The following TENM3 variants were observed in gnomAD, a reference collection of about 807,000 sequenced individuals.
The protein encoded by TENM3 is teneurin-3.
A neutral mutation model predicts 255.1 loss-of-function variants in TENM3; 63 were observed. The observed-to-expected ratio is 0.25, with a 90% CI of 0.20 to 0.30. The LOEUF is 0.30. TENM3 is among the 10% of genes least tolerant of loss of function. TENM3 has a pLI of 1.00. For missense variants in TENM3, 2,929 were observed against 3,461.1 expected, an observed-to-expected ratio of 0.85 and a Z score of 3.86; for synonymous variants, 1,306 against 1,322.3, an observed-to-expected ratio of 0.99 and a Z score of 0.27.
intron 1 of TENM3, among the ~76,000 whole-genome samples, chr4:182,160,080 G>A: frequency 6.7e-6 from 1 of 149,854 alleles, no homozygotes; most frequent in Non-Finnish European, 1.5e-5. Flanking sequence ...TCGGCTCACT[G>A]CAAGCTCCGC....
chr4:182,173,001 G>A (rs771239074), intron 1 of TENM3, among the ~76,000 whole-genome samples: 22 of 152,234 alleles, frequency 1.4e-4, no homozygotes, highest in Admixed American at 5.2e-4. Context: ...ATATGGCTAC[G>A]TGAATGGACA....
At chr4:182,092,027 T>G in the TENM3 span, among the ~76,000 whole-genome samples, 10 of 152,244 alleles carry the variant, frequency 6.6e-5, no homozygotes, top group East Asian at 1.9e-3. Flanking sequence ...ACTGCATTTT[T>G]GAGGATGCAC....
chr4:181,863,314 C>G, the TENM3 span, among the ~76,000 whole-genome samples: 1 of 152,114 alleles, frequency 6.6e-6, no homozygotes, highest in Non-Finnish European at 1.5e-5. Flanking sequence ...CACAATGACT[C>G]TGCTACTCTC....
intron 1 of TENM3, among the ~76,000 whole-genome samples, chr4:182,212,563 T>C (rs1395475549): frequency 2.0e-5 from 3 of 152,192 alleles, no homozygotes; most frequent in African/African-American, 7.2e-5. Flanking sequence ...TTACATGTTG[T>C]TCACCCACTT....
intron 6 of TENM3, among the ~76,000 whole-genome samples, chr4:182,660,574 G>C (rs1379939054): frequency 2.0e-5 from 3 of 152,206 alleles, no homozygotes; most frequent in South Asian, 2.1e-4. Context: ...TGATGCACTT[G>C]TAATTCATAG....
At position 182,799,985 on chromosome 4, in the gene TENM3, G is replaced by A. The variant is rs769349124; in HGVS notation, c.7734G>A (p.Thr2578=). The change falls in exon 28 of 28, where the codon ACG becomes ACA. Residue 2578 remains threonine (T), a synonymous_variant. Coordinates refer to ENST00000511685, the MANE Select transcript of TENM3 (RefSeq NM_001080477.4). This position sits in a 1 kb window ranked among gnomAD's most constrained non-coding sequence, Gnocchi z 4.2. ...CGCTGGAGAACGGCATCAACGTGAC[G>A]GTGTCGCAGTCCACCACGGTGGTGA... ...RKALENGINV[T]VSQSTTVVNG... The A allele has an allele frequency of 1.9e-6, 3 of 1,591,644 alleles. No individual in the cohort carries two copies. Among genetic ancestry groups the A allele is most frequent in the Admixed American group, 1.8e-5 (1 of 56,736 alleles).
chr4:182,039,930 T>G, the TENM3 span, among the ~76,000 whole-genome samples: 6 of 99,708 alleles, frequency 6.0e-5, no homozygotes, highest in South Asian at 3.5e-4. Flanking sequence ...CAGGAGGGGA[T>G]GGAAGGGGAG....
At chr4:182,377,738 C>A (rs1052744109) in intron 3 of TENM3, among the ~76,000 whole-genome samples, 4 of 152,052 alleles carry the variant, frequency 2.6e-5, no homozygotes, top group Non-Finnish European at 5.9e-5. Context: ...TTTAAATTTT[C>A]ATTAGGAATA....
intron 6 of TENM3, among the ~76,000 whole-genome samples, chr4:182,671,979 G>T (rs1755257957): frequency 6.6e-6 from 1 of 152,032 alleles, no homozygotes; most frequent in Non-Finnish European, 1.5e-5. Flanking sequence ...CCCTCTTGTT[G>T]TTATCAGTGT....
the TENM3 span, among the ~76,000 whole-genome samples, chr4:181,854,934 T>G: frequency 1.3e-5 from 2 of 152,148 alleles, no homozygotes; most frequent in Non-Finnish European, 2.9e-5. Context: ...TTGGCAAGAA[T>G]GGATTTTTTT....
chr4:182,717,052 C>T (rs1299859371), intron 13 of TENM3, among the ~76,000 whole-genome samples: 6 of 40,220 alleles, frequency 1.5e-4, no homozygotes, highest in Admixed American at 3.6e-4. Flanking sequence ...GTACCATTCC[C>T]GGAACTAAAG....
chr4:182,740,303 G>C (rs1176296035), intron 18 of TENM3, among the ~76,000 whole-genome samples: 1 of 152,200 alleles, frequency 6.6e-6, no homozygotes, highest in Admixed American at 6.5e-5. Context: ...CTAAGCAGGG[G>C]ACTCCAGTGT....
intron 3 of TENM3, among the ~76,000 whole-genome samples, chr4:182,353,734 A>C (rs914697167): frequency 7.9e-5 from 12 of 152,098 alleles, no homozygotes; most frequent in Non-Finnish European, 1.3e-4. Context: ...TTGGGAGGCC[A>C]AGGCGGGTGG....
the TENM3 span, among the ~76,000 whole-genome samples, chr4:181,920,609 G>T: frequency 6.6e-6 from 1 of 152,092 alleles, no homozygotes; most frequent in African/African-American, 2.4e-5. Flanking sequence ...ATTTGTTTGA[G>T]TTCATTGTAG....
the TENM3 span, among the ~76,000 whole-genome samples, chr4:181,704,172 G>A: frequency 3.9e-5 from 6 of 152,070 alleles, no homozygotes; most frequent in Admixed American, 1.3e-4. Flanking sequence ...TTAAGCAATC[G>A]CGTTTGTATT....
chr4:181,644,114 T>C, the TENM3 span, among the ~76,000 whole-genome samples: 1,049 of 148,894 alleles, frequency 7.0e-3, 6 homozygotes, highest in Admixed American at 9.9e-3. Context: ...GAGCAAGGAA[T>C]TCTGCATGTG....
the TENM3 span, among the ~76,000 whole-genome samples, chr4:181,859,332 C>G: frequency 1.1e-4 from 17 of 149,966 alleles, no homozygotes; most frequent in Admixed American, 1.0e-3. Flanking sequence ...AAGAAGTGTC[C>G]TTTCTTTATA....
At chr4:182,755,621 G>A (rs936883128) in intron 22 of TENM3, among the ~76,000 whole-genome samples, 6 of 152,082 alleles carry the variant, frequency 3.9e-5, no homozygotes, top group Non-Finnish European at 4.4e-5. Flanking sequence ...GGCGGATCAC[G>A]AGGTCAGAAG....
chr4:182,582,621 CATATA>C (rs1745603050), intron 3 of TENM3, among the ~76,000 whole-genome samples: 1 of 150,754 alleles, frequency 6.6e-6, no homozygotes, highest in Non-Finnish European at 1.5e-5. Context: ...CAAAAAAAAA[CATATA>C]AAATAGAGGA....
Sources: gnomAD v4.1 joint callset for allele counts (sites outside exome capture counted in the v4.1 genomes callset) on GRCh38, gnomAD v4.1.1 for gene constraint, Gnocchi (gnomAD v3.1) non-coding constraint, MANE v1.5 for transcripts, NCBI Gene and HGNC (gene_info 2026-07-23, HGNC 2026-07-21) for gene names.